TSC1: variants seen among roughly 807,000 people sequenced by gnomAD.
TSC1 encodes the protein hamartin.
In TSC1, 20 loss-of-function variants were observed where a neutral mutation model predicts 124.3. The observed-to-expected ratio is 0.16, with a 90% CI of 0.11 to 0.23. TSC1 has a LOEUF of 0.23. Ranked by LOEUF, TSC1 falls within the 10% of genes least tolerant of loss-of-function variation. The probability of loss-of-function intolerance (pLI) is 1.00; values close to 1 mark genes in which losing one functional copy is unlikely to be tolerated. For synonymous variants in TSC1, 493 were observed against 539.1 expected (o/e 0.91, Z 1.19); for missense variants, 1,124 against 1,448.5 (o/e 0.78, Z 3.64).
intron 8 of TSC1, chr9:132,912,746 C>A (rs764575574): frequency 1.2e-5 from 5 of 422,862 alleles, no homozygotes; most frequent in Non-Finnish European, 1.8e-5. Flanking sequence ...GAAACATAAG[C>A]TATGCAGCAG....
At position 132,944,575 on chromosome 9, in the gene TSC1, A is replaced by C. The variant is rs1237663206; in HGVS notation, c.-176T>G. On this transcript the variant is annotated 5_prime_UTR_variant, in exon 1 of 23. It removes the in-frame stop codon of an upstream open reading frame in the 5' UTR. Transcript: ENST00000298552. ...CTCCTCCCCCTCAGCTGTTTACCTC[A>C]CAGTCCCTCCAGCCTACAGGGCGCC... 1.3e-5 allele frequency: 5 copies of C among 398,480 alleles called. No homozygotes were observed. The highest frequency in any genetic ancestry group is 1.0e-4 in the African/African-American group (5 of 48,520). 24.7% of individuals were successfully genotyped at this position (398,480 alleles called of 1,614,324 possible).
At chr9:132,901,956 C>T (rs1036687372) in intron 18 of TSC1, 2 of 446,034 alleles carry the variant, frequency 4.5e-6, no homozygotes, top group African/African-American at 4.0e-5. Context: ...CCTGAGGCTA[C>T]ACAGCAAACT....
chr9:132,943,981 C>T (rs1039537601), intron 1 of TSC1: 1 of 152,216 alleles, frequency 6.6e-6, no homozygotes, highest in Non-Finnish European at 1.5e-5. Context: ...CTTTCACCAC[C>T]AATTAAACAC....
Position 132,896,885 on chromosome 9 carries a change from T to G in TSC1, c.2976-131A>C. On this transcript the variant is annotated intron_variant, in intron 22 of 22. Transcript: ENST00000298552. This position sits in a 1 kb window ranked among gnomAD's most constrained non-coding sequence, Gnocchi z 4.5. ...TAGCCCACTCTCTGTTTTATAATAC[T>G]GGACTCAAGAGATCTCATCAAGAGA... The G allele has an allele frequency of 1.4e-6, 2 of 1,431,640 alleles. No individual in the cohort carries two copies. Among genetic ancestry groups the G allele is most frequent in the Non-Finnish European group, 9.8e-7 (1 of 1,023,290 alleles). The allele number at this position is 1,431,640 out of a possible 1,614,324, so 88.7% of individuals were successfully genotyped here. A position where few individuals can be genotyped will look rare whatever the true frequency, so the allele number is the denominator to read the frequency against.
Position 132,910,706 on chromosome 9 carries a change from G to C in TSC1, c.1142-14C>G, listed in dbSNP as rs1312772431. ...CTTTTCCACCTGCTTAGAGACAAGGGCAGAACATATATGAACACTGAGCCC... is the reference window on the plus strand; with the variant it reads ...CTTTTCCACCTGCTTAGAGACAAGGCCAGAACATATATGAACACTGAGCCC... On this transcript the variant is annotated splice_polypyrimidine_tract_variant and intron_variant, in intron 11 of 22. Transcript: ENST00000298552. 2 of 1,613,104 alleles carry C rather than the reference G, an allele frequency of 1.2e-6. No homozygotes were observed. Among genetic ancestry groups the C allele is most frequent in the African/African-American group, 2.7e-5 (2 of 74,844 alleles).
rs555807519 is a variant in TSC1, at chr9:132,933,513, G to A, written c.-81+1520C>T. Among the ~76,000 whole-genome samples, 8 of 152,244 alleles carry A rather than the reference G, an allele frequency of 5.3e-5. No individual in the cohort carries two copies. The South Asian group carries it at 1.7e-3, about 32-fold the overall frequency. On this transcript the variant is annotated intron_variant, in intron 2 of 22. Transcript: ENST00000298552. The stretch of plus-strand genomic sequence containing the variant: ...CAATTTTTAGTAATTGAAGAGTAAG[G>A]ATCTTTGAGGCTTGCCAAGCTATGA...
intron 2 of TSC1, among the ~76,000 whole-genome samples, chr9:132,929,807 T>C (rs897083010): frequency 1.3e-5 from 2 of 152,164 alleles, no homozygotes; most frequent in Non-Finnish European, 2.9e-5. Flanking sequence ...TTGTCCCCAT[T>C]GTACAGGGAG....
At chr9:132,907,164 A>G in intron 13 of TSC1, 137 bp downstream of exon 13, 15 of 672,386 alleles carry the variant, frequency 2.2e-5, no homozygotes, top group Non-Finnish European at 3.2e-5. Context: ...AGAATTCACT[A>G]CTCGTTTCAT....
Position 132,907,370 on chromosome 9 carries a change from C to T in TSC1, c.1264G>A (p.Glu422Lys), listed in dbSNP as rs1845729073. ...PQATVTPPRK[E>K]ERMDSARPCL... is the part of the protein sequence containing the mutation. ...GGTCTTGCAGAATCCATTCTCTCTTCCTGAAAAGATAAGTATCATTTATAT... is the reference window on the plus strand; with the variant it reads ...GGTCTTGCAGAATCCATTCTCTCTTTCTGAAAAGATAAGTATCATTTATAT... The change falls in exon 13 of 23, where the codon GAA becomes AAA. Residue 422 changes from glutamate to lysine, a missense_variant and splice_region_variant. Around this residue, in one of 5 missense-constraint regions of TSC1, gnomAD observed 463 missense variants for 606.8 expected, o/e 0.76. Transcript: ENST00000298552. The T allele has an allele frequency of 6.2e-7, 1 of 1,612,866 alleles. No individual in the cohort carries two copies. The highest frequency in any genetic ancestry group is 8.5e-7 in the Non-Finnish European group (1 of 1,178,818).
intron 1 of TSC1, chr9:132,942,127 G>A (rs1465523820): frequency 1.3e-5 from 2 of 152,130 alleles, no homozygotes; most frequent in Admixed American, 1.3e-4. Flanking sequence ...TGAAGACAGA[G>A]CTATAAGAAC....
Position 132,893,283 on chromosome 9 carries a change from A to T in TSC1, c.*2952T>A, listed in dbSNP as rs1844864146. 1 of 233,112 alleles carries T rather than the reference A, an allele frequency of 4.3e-6. No individual in the cohort carries two copies. The highest frequency in any genetic ancestry group is 8.5e-6 in the Non-Finnish European group (1 of 118,074). The allele number at this position is 233,112 out of a possible 1,614,324, so 14.4% of individuals were successfully genotyped here. ...CTGGTCCTAAAACTCATCTCCAAGGACATCTTTCACAACTTCTCCATCTAA... is the reference window on the plus strand; with the variant it reads ...CTGGTCCTAAAACTCATCTCCAAGGTCATCTTTCACAACTTCTCCATCTAA... On this transcript the variant is annotated 3_prime_UTR_variant, in exon 23 of 23. Coordinates refer to ENST00000298552, the MANE Select transcript of TSC1 (RefSeq NM_000368.5).
chr9:132,920,884 T>C (rs896499513), intron 8 of TSC1, among the ~76,000 whole-genome samples: 9 of 151,884 alleles, frequency 5.9e-5, no homozygotes, highest in African/African-American at 2.2e-4. Flanking sequence ...CCAGAGAACA[T>C]ACCTGGGGGC....
chr9:132,926,947 C>T (rs992256550), intron 4 of TSC1: 3 of 443,738 alleles, frequency 6.8e-6, no homozygotes, highest in Non-Finnish European at 1.3e-5. Flanking sequence ...AAGGGGATTA[C>T]AGGCGTGAGC....
chr9:132,910,728 G>A (rs1845911289), intron 11 of TSC1, 36 bp from the exon 12 acceptor site: 1 of 1,612,288 alleles, frequency 6.2e-7, no homozygotes, highest in Non-Finnish European at 8.5e-7. Context: ...TGAACACTGA[G>A]CCCAACTATT....
intron 1 of TSC1, among the ~76,000 whole-genome samples, chr9:132,937,889 A>G (rs1039787857): frequency 3.3e-5 from 5 of 151,980 alleles, no homozygotes; most frequent in Admixed American, 6.5e-5. Context: ...TAATTTTTGT[A>G]TTTTTTTGTA....
intron 8 of TSC1, among the ~76,000 whole-genome samples, chr9:132,920,663 A>T (rs1291285861): frequency 6.6e-6 from 1 of 152,014 alleles, no homozygotes; most frequent in Non-Finnish European, 1.5e-5. Context: ...GTCAGTATCC[A>T]TGGGTCAGTT....
rs781006583 is a variant in TSC1, at chr9:132,910,610, G to A, written c.1224C>T (p.His408=). 5.6e-6 allele frequency: 9 copies of A among 1,614,146 alleles called. No homozygotes were observed. The highest frequency in any genetic ancestry group is 7.6e-6 in the Non-Finnish European group (9 of 1,180,040). The part of the protein sequence containing the change: ...APLCHSDDYV[H]ISLPQATVTP... ...TGACTGTGGCCTGGGGGAGTGAAAT[G>A]TGCACGTAGTCATCCGAATGACAGA... is the stretch of plus-strand genomic sequence containing the variant. Residue 408 remains histidine, a synonymous_variant, in exon 12 of 23, where the codon CAC becomes CAT. Coordinates refer to ENST00000298552, the MANE Select transcript of TSC1 (RefSeq NM_000368.5).
At chr9:132,904,275 C>T (rs1845533448) in intron 16 of TSC1, 136 bp downstream of exon 16, 3 of 969,804 alleles carry the variant, frequency 3.1e-6, no homozygotes, top group Non-Finnish European at 4.8e-6. Context: ...GATCCTTTAG[C>T]CAAGCAGATA....
At chr9:132,919,222 A>G (rs1175600499) in intron 8 of TSC1, among the ~76,000 whole-genome samples, 1 of 152,212 alleles carries the variant, frequency 6.6e-6, no homozygotes, top group African/African-American at 2.4e-5. Flanking sequence ...TCGCAGAACC[A>G]CTATCATCTA....
Sources: gnomAD v4.1 joint callset for allele counts (sites outside exome capture counted in the v4.1 genomes callset) on GRCh38, gnomAD v4.1.1 for gene constraint, gnomAD v4.1.1 regional missense constraint, Gnocchi (gnomAD v3.1) non-coding constraint, MANE v1.5 for transcripts, NCBI Gene and HGNC (gene_info 2026-07-23, HGNC 2026-07-21) for gene names.